Variants in DPP10 observed in about 807,000 individuals in gnomAD.
The protein encoded by DPP10 is dipeptidyl peptidase like 10.
In DPP10, 33 loss-of-function variants were observed where a neutral mutation model predicts 120.9. The ratio of observed to expected loss-of-function variants is 0.27; its 90% CI spans 0.21 to 0.37. The LOEUF is 0.37. Among genes scored for constraint, DPP10 ranks in the 10% least tolerant of loss-of-function variants. DPP10 has a pLI of 1.00. For synonymous variants in DPP10, 337 were observed against 326.1 expected, an observed-to-expected ratio of 1.03 and a Z score of -0.36; for missense variants, 816 against 942.8, an observed-to-expected ratio of 0.87 and a Z score of 1.76.
intron 3 of DPP10, among the ~76,000 whole-genome samples, chr2:115,452,255 T>A (rs1161724294): frequency 1.3e-5 from 2 of 151,986 alleles, no homozygotes; most frequent in African/African-American, 2.4e-5. Flanking sequence ...TGAGGACATC[T>A]GAATTGAGAA....
At chr2:114,458,954 T>C (rs1678723788) in intron 1 of DPP10, among the ~76,000 whole-genome samples, 1 of 152,168 alleles carries the variant, frequency 6.6e-6, no homozygotes, top group African/African-American at 2.4e-5. Context: ...CAAAATAATA[T>C]GAAATGAATT....
intron 2 of DPP10, among the ~76,000 whole-genome samples, chr2:115,329,512 G>A (rs1480201360): frequency 6.6e-6 from 1 of 152,018 alleles, no homozygotes; most frequent in African/African-American, 2.4e-5. Context: ...ATGTATACAT[G>A]TGCCATGTTG....
chr2:114,560,025 T>C (rs577380435), intron 1 of DPP10, among the ~76,000 whole-genome samples: 65 of 152,272 alleles, frequency 4.3e-4, no homozygotes, highest in African/African-American at 1.5e-3. Flanking sequence ...CTATGCCATA[T>C]GCAAATGCTG....
chr2:115,836,590 A>G lies in DPP10; in HGVS notation c.2109+25A>G, dbSNP rs765780678. 24 of 1,611,964 alleles carry G rather than the reference A, an allele frequency of 1.5e-5. No individual in the cohort carries two copies. In the Admixed American group the frequency reaches 3.2e-4, roughly 21 times the overall value. On this transcript the variant is annotated intron_variant, in intron 23 of 25. Coordinates refer to ENST00000410059, the MANE Select transcript of DPP10 (RefSeq NM_020868.6). The stretch of plus-strand genomic sequence containing the variant: ...GGTAACTAATTTGAAAATAACAAAG[A>G]AAGAGGAGTATTTTTGTTCTAAAAA...
intron 1 of DPP10, among the ~76,000 whole-genome samples, chr2:114,456,792 A>G (rs1678608527): frequency 1.3e-5 from 2 of 152,212 alleles, no homozygotes; most frequent in African/African-American, 4.8e-5. Context: ...GAGGCAGCAT[A>G]TGTTCTAGAG....
intron 1 of DPP10, among the ~76,000 whole-genome samples, chr2:114,731,376 T>C (rs1188332140): frequency 6.6e-6 from 1 of 152,162 alleles, no homozygotes. Flanking sequence ...AATAGTGTCA[T>C]ATTTTTCTTT....
At chr2:115,597,032 A>AT (rs1678594887) in intron 5 of DPP10, among the ~76,000 whole-genome samples, 1 of 152,148 alleles carries the variant, frequency 6.6e-6, no homozygotes, top group Non-Finnish European at 1.5e-5. Flanking sequence ...AGGGCTTACT[A>AT]TTTAACTACA....
chr2:115,619,514 G>A (rs1468054718), intron 5 of DPP10, among the ~76,000 whole-genome samples: 1 of 151,936 alleles, frequency 6.6e-6, no homozygotes, highest in Non-Finnish European at 1.5e-5. Flanking sequence ...TACAATTCTC[G>A]CATCTTTTTC....
chr2:115,602,172 G>A (rs2083368727), intron 5 of DPP10, among the ~76,000 whole-genome samples: 1 of 152,192 alleles, frequency 6.6e-6, no homozygotes, highest in Non-Finnish European at 1.5e-5. Context: ...CAATAGGTCT[G>A]AGTACTCCAG....
intron 2 of DPP10, among the ~76,000 whole-genome samples, chr2:115,322,603 C>T (rs1243793826): frequency 2.6e-5 from 4 of 152,172 alleles, no homozygotes; most frequent in Non-Finnish European, 5.9e-5. Flanking sequence ...TATATCTTTA[C>T]CACCTACACT....
At chr2:114,722,514 C>T (rs755184408) in intron 1 of DPP10, among the ~76,000 whole-genome samples, 18 of 151,994 alleles carry the variant, frequency 1.2e-4, no homozygotes, top group South Asian at 8.3e-4. Flanking sequence ...CGGTGGCTCA[C>T]GCCTGTAATC....
intron 19 of DPP10, among the ~76,000 whole-genome samples, chr2:115,810,865 A>G (rs985151210): frequency 6.6e-6 from 1 of 152,222 alleles, no homozygotes; most frequent in Non-Finnish European, 1.5e-5. Context: ...ACTCAGAAAG[A>G]AACAAAAATA....
At chr2:114,803,468 GA>G (rs745979047) in intron 1 of DPP10, among the ~76,000 whole-genome samples, 2 of 152,200 alleles carry the variant, frequency 1.3e-5, no homozygotes, top group African/African-American at 2.4e-5. Context: ...AAAAATGTGG[GA>G]AATTTTGGAA....
chr2:115,410,410 T>G (rs2068856958), intron 3 of DPP10, among the ~76,000 whole-genome samples: 1 of 152,126 alleles, frequency 6.6e-6, no homozygotes, highest in African/African-American at 2.4e-5. Context: ...TTCTCAGTTA[T>G]AAGTGGGAGC....
intron 5 of DPP10, among the ~76,000 whole-genome samples, chr2:115,651,908 A>T (rs1329199130): frequency 3.9e-5 from 6 of 152,068 alleles, no homozygotes; most frequent in Non-Finnish European, 7.4e-5. Flanking sequence ...TCTGTTAACT[A>T]TAAAATATAA....
At chr2:115,382,760 A>G (rs2066505736) in intron 3 of DPP10, among the ~76,000 whole-genome samples, 1 of 152,228 alleles carries the variant, frequency 6.6e-6, no homozygotes. Flanking sequence ...CTTTCCATTT[A>G]CATTTGTTCC....
chr2:115,442,349 CTGTG>C (rs377386557), intron 3 of DPP10, among the ~76,000 whole-genome samples: 81 of 142,820 alleles, frequency 5.7e-4, no homozygotes, highest in South Asian at 2.0e-3. Context: ...AATATATTAT[CTGTG>C]TGTGTGTGTT....
In DPP10 at chr2:114,655,798, T is replaced by C. The variant is rs11904839; in HGVS notation, c.60+212960T>C. The stretch of plus-strand genomic sequence containing the variant: ...TTATTTTTTCCATTAAAAAAAGATA[T>C]TTCACAGACACAAGCTATAGGTAAG... On this transcript the variant is annotated intron_variant, in intron 1 of 25. Coordinates refer to ENST00000410059, the MANE Select transcript of DPP10 (RefSeq NM_020868.6). 9.9e-3 allele frequency among the ~76,000 whole-genome samples: 1,514 copies of C among 152,250 alleles called. 24 individuals carry two copies. The highest frequency in any genetic ancestry group is 0.035 in the African/African-American group (1,442 of 41,570).
chr2:115,553,310 C>G (rs1369307855), intron 5 of DPP10, among the ~76,000 whole-genome samples: 1 of 151,980 alleles, frequency 6.6e-6, no homozygotes, highest in Non-Finnish European at 1.5e-5. Flanking sequence ...TTGTGTCTTT[C>G]TCCATAGCTA....
Sources: gnomAD v4.1 joint callset for allele counts (sites outside exome capture counted in the v4.1 genomes callset) on GRCh38, gnomAD v4.1.1 for gene constraint, MANE v1.5 for transcripts, NCBI Gene and HGNC (gene_info 2026-07-23, HGNC 2026-07-21) for gene names.